NRCAM: variants seen among roughly 807,000 people sequenced by gnomAD.
NRCAM encodes neuronal cell adhesion molecule, also known as NgCAM-related cell adhesion molecule.
In NRCAM, 83 loss-of-function variants were observed where a neutral mutation model predicts 156.5. The ratio of observed to expected loss-of-function variants is 0.53; its 90% CI spans 0.44 to 0.64. The LOEUF is 0.64. Among genes scored for constraint, NRCAM ranks in the 30% least tolerant of loss-of-function variants. The pLI is 0.00. For synonymous variants in NRCAM, 538 were observed against 563.9 expected (o/e 0.95, Z 0.65); for missense variants, 1,417 against 1,597.3 (o/e 0.89, Z 1.92).
chr7:108,236,227 CTCTTG>C (rs2094976182), intron 5 of NRCAM, among the ~76,000 whole-genome samples: 1 of 152,186 alleles, frequency 6.6e-6, no homozygotes, highest in Non-Finnish European at 1.5e-5. Flanking sequence ...GCGTCCTCTT[CTCTTG>C]TCTTCTAGTC....
chr7:108,246,682 T>A (rs756126271), intron 3 of NRCAM, among the ~76,000 whole-genome samples: 13 of 152,114 alleles, frequency 8.5e-5, no homozygotes, highest in Admixed American at 1.3e-4. Flanking sequence ...GGCCTGTAAA[T>A]CTCTTGGTAC....
intron 2 of NRCAM, among the ~76,000 whole-genome samples, chr7:108,320,637 G>T (rs1453464917): frequency 6.6e-6 from 1 of 152,072 alleles, no homozygotes; most frequent in African/African-American, 2.4e-5. Flanking sequence ...CATAAAATAT[G>T]ATTATTTAGG....
chr7:108,335,995 T>C (rs958714645), intron 2 of NRCAM, among the ~76,000 whole-genome samples: 2 of 152,216 alleles, frequency 1.3e-5, no homozygotes, highest in African/African-American at 4.8e-5. Flanking sequence ...TCCTATTTGA[T>C]TTGAAATGAC....
chr7:108,291,655 C>T (rs984520552), intron 3 of NRCAM, among the ~76,000 whole-genome samples: 4 of 152,048 alleles, frequency 2.6e-5, no homozygotes, highest in Non-Finnish European at 5.9e-5. Flanking sequence ...ACTAATATAT[C>T]ACCACAAATT....
At chr7:108,379,200 A>G (rs1403609845) in intron 2 of NRCAM, among the ~76,000 whole-genome samples, 3 of 152,220 alleles carry the variant, frequency 2.0e-5, no homozygotes, top group Admixed American at 1.3e-4. Flanking sequence ...ACTGCAGATA[A>G]TATAATTATC....
chr7:108,359,922 G>A (rs1404815822), intron 2 of NRCAM, among the ~76,000 whole-genome samples: 3 of 152,156 alleles, frequency 2.0e-5, no homozygotes, highest in Non-Finnish European at 2.9e-5. Flanking sequence ...CTATAGATGA[G>A]TTTTGTCTGT....
Position 108,324,877 on chromosome 7 carries a change from C to CATTTTT in NRCAM, c.-173-12147_-173-12146insAAAAAT, listed in dbSNP as rs201240389. Among the ~76,000 whole-genome samples, 8 of 82,686 alleles carry CATTTTT rather than the reference C, an allele frequency of 9.7e-5. 2 individuals are homozygous for CATTTTT. The highest frequency in any genetic ancestry group is 2.9e-4 in the Admixed American group (2 of 6,942). The allele number at this position is 82,686 out of a possible 152,430, so 54.2% of individuals were successfully genotyped here. A position where few individuals can be genotyped will look rare whatever the true frequency, so the allele number is the denominator to read the frequency against. On this transcript the variant is annotated intron_variant, in intron 2 of 32. Transcript: ENST00000379028. ...TGTTTGTGTAATATTTGGCACTGTA[C>CATTTTT]TTTTTTTTTTTTTTTTTTTTTTTTT...
rs2063687335 is a variant in NRCAM, at chr7:108,181,891, A to C, written c.2577T>G (p.Ser859Arg). The change falls in exon 24 of 33, where the codon AGT becomes AGG. Residue 859 changes from serine to arginine, a missense_variant. By Grantham distance (110) the Ser-to-Arg change is moderately radical. Coordinates refer to ENST00000379028, the MANE Select transcript of NRCAM (RefSeq NM_001037132.4). ...PGNVRVNVVN[S>R]TLAEVHWDPV... ...GGTCCCAGTGCACCTCGGCTAAGGT[A>C]CTGTTCACCACATTCACACGCACGT... 6.2e-7 allele frequency: 1 copy of C among 1,614,036 alleles called. No individual in the cohort carries two copies.
intron 10 of NRCAM, among the ~76,000 whole-genome samples, chr7:108,224,534 C>A (rs572590964): frequency 6.6e-6 from 1 of 152,030 alleles, no homozygotes; most frequent in Non-Finnish European, 1.5e-5. Flanking sequence ...TTTATGGAGG[C>A]CTTTCCAAAA....
chr7:108,315,024 G>A (rs940121728), intron 2 of NRCAM, among the ~76,000 whole-genome samples: 1 of 150,678 alleles, frequency 6.6e-6, no homozygotes, highest in African/African-American at 2.4e-5. Flanking sequence ...CAACAACCCA[G>A]TCAATTCTGT....
chr7:108,208,886 C>G (rs2082545430), intron 12 of NRCAM, among the ~76,000 whole-genome samples: 1 of 152,154 alleles, frequency 6.6e-6, no homozygotes, highest in Non-Finnish European at 1.5e-5. Flanking sequence ...AAGACAGTGT[C>G]TGCCAGGTTT....
At chr7:108,259,244 T>C (rs559975917) in intron 3 of NRCAM, among the ~76,000 whole-genome samples, 1 of 152,378 alleles carries the variant, frequency 6.6e-6, no homozygotes, top group East Asian at 1.9e-4. Context: ...CCATAAATTG[T>C]GAACTTCTTG....
chr7:108,441,026 G>A (rs936693121), intron 1 of NRCAM, among the ~76,000 whole-genome samples: 7 of 152,116 alleles, frequency 4.6e-5, no homozygotes, highest in African/African-American at 1.7e-4. Flanking sequence ...AATGTCAACT[G>A]GATGGTTATC....
At chr7:108,381,351 CA>C (rs2154358331) in intron 2 of NRCAM, among the ~76,000 whole-genome samples, 1 of 152,174 alleles carries the variant, frequency 6.6e-6, no homozygotes, top group South Asian at 2.1e-4. Flanking sequence ...TATTTAATTG[CA>C]TATCCTAAAT....
chr7:108,377,001 CA>C (rs997397091), intron 2 of NRCAM, among the ~76,000 whole-genome samples: 17 of 151,660 alleles, frequency 1.1e-4, no homozygotes, highest in Admixed American at 7.3e-4. Flanking sequence ...CTCATCTCTA[CA>C]AATAAATACA....
At chr7:108,195,654 G>C in intron 15 of NRCAM, 107 bp downstream of exon 15, 1 of 670,748 alleles carries the variant, frequency 1.5e-6, no homozygotes, top group Non-Finnish European at 2.7e-6. Flanking sequence ...AATGGATTGT[G>C]TGGTGCCTTT....
In NRCAM at chr7:108,250,777, A is replaced by G. The variant is rs779420055; in HGVS notation, c.-106-10607T>C. ...AGTATAATTGGATTGTCTGTAACACAAAGCATAAATGCTTGAGGGGATGGA... is the reference window on the plus strand; with the variant it reads ...AGTATAATTGGATTGTCTGTAACACGAAGCATAAATGCTTGAGGGGATGGA... On this transcript the variant is annotated intron_variant, in intron 3 of 32. Coordinates refer to ENST00000379028, the MANE Select transcript of NRCAM (RefSeq NM_001037132.4). 4.6e-5 allele frequency among the ~76,000 whole-genome samples: 7 copies of G among 152,346 alleles called. No homozygotes were observed. In the South Asian group the frequency reaches 1.4e-3, roughly 32 times the overall value.
intron 11 of NRCAM, among the ~76,000 whole-genome samples, chr7:108,214,811 T>C (rs2087003196): frequency 1.3e-5 from 2 of 152,350 alleles, no homozygotes; most frequent in South Asian, 4.1e-4. Flanking sequence ...TTTGTTCTCA[T>C]TGGTTTCAAA....
At chr7:108,397,776 G>C (rs565039760) in intron 2 of NRCAM, among the ~76,000 whole-genome samples, 1 of 152,182 alleles carries the variant, frequency 6.6e-6, no homozygotes, top group South Asian at 2.1e-4. Flanking sequence ...GCACTGGCTT[G>C]TTACTGTCCT....
Sources: allele counts gnomAD v4.1 joint callset (sites outside exome capture counted in the v4.1 genomes callset), GRCh38; gene constraint gnomAD v4.1.1; transcripts MANE v1.5; gene names NCBI Gene and HGNC (gene_info 2026-07-23, HGNC 2026-07-21).